Variants in NECTIN3 observed in about 807,000 individuals in gnomAD.
NECTIN3 encodes nectin cell adhesion molecule 3, also known as nectin-3.
A neutral mutation model predicts 49.4 loss-of-function variants in NECTIN3; 8 were observed. The observed-to-expected ratio is 0.16, with a 90% CI of 0.10 to 0.29. NECTIN3 has a LOEUF of 0.29. Among genes scored for constraint, NECTIN3 ranks in the 10% least tolerant of loss-of-function variants. NECTIN3 has a pLI of 1.00. For synonymous variants in NECTIN3, 277 were observed against 241.1 expected, an observed-to-expected ratio of 1.15 and a Z score of -1.38; for missense variants, 581 against 654.6, an observed-to-expected ratio of 0.89 and a Z score of 1.23.
intron 1 of NECTIN3, among the ~76,000 whole-genome samples, chr3:111,079,741 C>G (rs190597642): frequency 2.0e-5 from 3 of 151,782 alleles, no homozygotes; most frequent in East Asian, 3.9e-4. Context: ...TGCATTTCTG[C>G]TTGTTAAATT....
intron 1 of NECTIN3, among the ~76,000 whole-genome samples, chr3:111,102,757 C>T (rs1428207208): frequency 1.3e-5 from 2 of 151,954 alleles, no homozygotes; most frequent in Admixed American, 6.6e-5. Context: ...GCTGTGTTGT[C>T]TTCTAGGGTT....
chr3:111,181,459 G>C (rs1280209149), intron 7 of NECTIN3, among the ~76,000 whole-genome samples: 1 of 152,220 alleles, frequency 6.6e-6, no homozygotes, highest in African/African-American at 2.4e-5. Flanking sequence ...TTAGTATCCA[G>C]ATGATGTTAA....
At chr3:111,094,938 C>G (rs969332402) in intron 1 of NECTIN3, among the ~76,000 whole-genome samples, 3 of 152,044 alleles carry the variant, frequency 2.0e-5, no homozygotes, top group Non-Finnish European at 2.9e-5. Context: ...CAGTTAAGGG[C>G]TAATTTTGCA....
intron 6 of NECTIN3, among the ~76,000 whole-genome samples, chr3:111,146,751 T>C (rs1257866587): frequency 1.3e-5 from 2 of 152,194 alleles, no homozygotes; most frequent in Non-Finnish European, 2.9e-5. Context: ...ACTATATTTA[T>C]AAAATTTTGT....
Position 111,136,913 on chromosome 3 carries a change from T to C in NECTIN3, c.*2698T>C. On this transcript the variant is annotated 3_prime_UTR_variant, in exon 6 of 6. Coordinates refer to ENST00000485303, the MANE Select transcript of NECTIN3 (RefSeq NM_015480.3). ...TTTAAAAGTGATATTTGAGAAGTGC[T>C]TTAGAGTTGAAAGATTTAGTATTTT... is the stretch of plus-strand genomic sequence containing the variant. 1 of 966,710 alleles carries C rather than the reference T, an allele frequency of 1.0e-6. No homozygotes were observed. The highest frequency in any genetic ancestry group is 1.2e-6 in the Non-Finnish European group (1 of 813,060). The allele number at this position is 966,710 out of a possible 1,614,324, so 59.9% of individuals were successfully genotyped here.
At chr3:111,152,066 A>T (rs1199404838) in intron 7 of NECTIN3, among the ~76,000 whole-genome samples, 3 of 151,734 alleles carry the variant, frequency 2.0e-5, no homozygotes, top group African/African-American at 7.3e-5. Context: ...TATACTGGAG[A>T]TCTTTTATTA....
intron 7 of NECTIN3, among the ~76,000 whole-genome samples, chr3:111,150,962 C>T (rs1478170180): frequency 6.6e-6 from 1 of 151,708 alleles, no homozygotes; most frequent in Non-Finnish European, 1.5e-5. Context: ...AGTGAAAGTG[C>T]TTGGGGTCCT....
chr3:111,130,418 A>G (rs2034345192), intron 5 of NECTIN3, among the ~76,000 whole-genome samples: 1 of 152,162 alleles, frequency 6.6e-6, no homozygotes, highest in South Asian at 2.1e-4. Context: ...ATGACTATTT[A>G]GTAAAACCTA....
rs561412350 is a variant in NECTIN3, at chr3:111,108,014, G to A, written c.161-4016G>A. Among the ~76,000 whole-genome samples, 8 of 152,230 alleles carry A rather than the reference G, an allele frequency of 5.3e-5. No homozygotes were observed. In the South Asian group the frequency reaches 1.7e-3, roughly 32 times the overall value. On this transcript the variant is annotated intron_variant, in intron 1 of 5. Coordinates refer to ENST00000485303, the MANE Select transcript of NECTIN3 (RefSeq NM_015480.3). ...TAGAAGAGTAGTACAACGCTTTGGT[G>A]AAAGGTTTAAGGGTTGAATCAAACA...
chr3:111,102,180 G>A (rs144497453), intron 1 of NECTIN3, among the ~76,000 whole-genome samples: 362 of 152,250 alleles, frequency 2.4e-3, no homozygotes, highest in African/African-American at 8.3e-3. Context: ...TAGAAATGGT[G>A]TATATAAAAG....
chr3:111,118,352 G>A (rs538457645), intron 2 of NECTIN3, among the ~76,000 whole-genome samples: 11 of 140,496 alleles, frequency 7.8e-5, no homozygotes, highest in South Asian at 2.3e-4. Flanking sequence ...TTGTGATCTC[G>A]TTCACAGAAA....
In NECTIN3 at chr3:111,137,007, A is replaced by T. The variant is rs2034601976; in HGVS notation, c.*2792A>T. 1.0e-6 allele frequency: 1 copy of T among 975,900 alleles called. No individual in the cohort carries two copies. Among genetic ancestry groups the T allele is most frequent in the Non-Finnish European group, 1.2e-6 (1 of 821,570 alleles). The allele number at this position is 975,900 out of a possible 1,614,324, so 60.5% of individuals were successfully genotyped here. On this transcript the variant is annotated 3_prime_UTR_variant, in exon 6 of 6. Coordinates refer to ENST00000485303, the MANE Select transcript of NECTIN3 (RefSeq NM_015480.3). ...GGAAACTATTAAGGTTTTCAGTAGT[A>T]AGTGTTGCTTCTAATAGCCATATAC...
At position 111,118,636 on chromosome 3, in the gene NECTIN3, T is replaced by C; in HGVS notation, c.503-20T>C. 1 of 1,504,144 alleles carries C rather than the reference T, an allele frequency of 6.6e-7. No individual in the cohort carries two copies. Among genetic ancestry groups the C allele is most frequent in the Admixed American group, 2.4e-5 (1 of 42,066 alleles). 93.2% of individuals were successfully genotyped at this position (1,504,144 alleles called of 1,614,324 possible). Reference sequence around the variant, plus strand: ...ATTCTTGTTTGAATGTAACTAATTATTAAAAAAATATTTAAACAGTTGAAC... The same window carrying C: ...ATTCTTGTTTGAATGTAACTAATTACTAAAAAAATATTTAAACAGTTGAAC... On this transcript the variant is annotated intron_variant, in intron 2 of 5. Transcript: ENST00000485303.
At chr3:111,137,568 G>A (rs1300287261), downstream of NECTIN3, 2 of 880,558 alleles carry the variant, frequency 2.3e-6, no homozygotes, top group East Asian at 1.2e-4. Context: ...GCATATTTCT[G>A]TAATAAGTTC....
rs575784947 is a variant in NECTIN3 at position 111,089,411 on chromosome 3, G to A, written c.160+17234G>A. ...TACTGATTTTCAGCCTTTCTCGTGT[G>A]TGTGTGTGTGTGTGTGTGTATGTAT... On this transcript the variant is annotated intron_variant, in intron 1 of 5. Coordinates refer to ENST00000485303, the MANE Select transcript of NECTIN3 (RefSeq NM_015480.3). Among the ~76,000 whole-genome samples the A allele has an allele frequency of 2.8e-5, 4 of 142,384 alleles. No homozygotes were observed. In the East Asian group the frequency reaches 1.3e-3, roughly 45 times the overall value. The allele number at this position is 142,384 out of a possible 152,430, so 93.4% of individuals were successfully genotyped here.
chr3:111,114,475 T>G (rs1326493368), intron 2 of NECTIN3, among the ~76,000 whole-genome samples: 1 of 152,166 alleles, frequency 6.6e-6, no homozygotes, highest in Non-Finnish European at 1.5e-5. Context: ...AAACATGTAG[T>G]GGAGAGTAAC....
chr3:111,117,282 G>A (rs2033727542), intron 2 of NECTIN3, among the ~76,000 whole-genome samples: 1 of 152,060 alleles, frequency 6.6e-6, no homozygotes, highest in Non-Finnish European at 1.5e-5. Flanking sequence ...TTCAGAAACA[G>A]GCTAAACTGT....
downstream of NECTIN3, among the ~76,000 whole-genome samples, chr3:111,137,995 T>C (rs559290831): frequency 1.3e-5 from 2 of 151,726 alleles, no homozygotes; most frequent in South Asian, 2.1e-4. Flanking sequence ...AATTATCTTA[T>C]CTCTGTAGCC....
intron 7 of NECTIN3, among the ~76,000 whole-genome samples, chr3:111,163,405 G>C (rs747674315): frequency 3.9e-5 from 6 of 152,154 alleles, no homozygotes; most frequent in Non-Finnish European, 8.8e-5. Context: ...AGTTCTTAAT[G>C]GGGGAGTGGC....
Sources: allele counts gnomAD v4.1 joint callset (sites outside exome capture counted in the v4.1 genomes callset), GRCh38; gene constraint gnomAD v4.1.1; transcripts MANE v1.5; gene names NCBI Gene and HGNC (gene_info 2026-07-23, HGNC 2026-07-21).